Variants in ENOSF1 observed in about 807,000 individuals in gnomAD.
ENOSF1 encodes the protein mitochondrial enolase superfamily member 1.
In ENOSF1, 73 loss-of-function variants were observed where a neutral mutation model predicts 68.2. The ratio of observed to expected loss-of-function variants is 1.07; its 90% CI spans 0.89 to 1.30. ENOSF1 has a LOEUF of 1.30. Ranked by LOEUF, ENOSF1 falls within the 50% of genes most tolerant of loss-of-function variation. The pLI is 0.00. For synonymous variants in ENOSF1, 223 were observed against 210.4 expected, an observed-to-expected ratio of 1.06 and a Z score of -0.52; for missense variants, 589 against 554.5, an observed-to-expected ratio of 1.06 and a Z score of -0.62.
Position 677,725 on chromosome 18 carries a change from C to T in ENOSF1, c.1048+18G>A, listed in dbSNP as rs375908384. 9.3e-6 allele frequency: 15 copies of T among 1,606,808 alleles called. No individual in the cohort carries two copies. The highest frequency in any genetic ancestry group is 1.3e-5 in the Non-Finnish European group (15 of 1,177,094). Reference sequence around the variant, plus strand: ...GGGGAAATGAAGGTCTGGTCTGCAGCCGCTGCAGCACGCTTACTTTCAAAC... The same window carrying T: ...GGGGAAATGAAGGTCTGGTCTGCAGTCGCTGCAGCACGCTTACTTTCAAAC... On this transcript the variant is annotated intron_variant, in intron 13 of 15. Coordinates refer to ENST00000647584, the MANE Select transcript of ENOSF1 (RefSeq NM_017512.7).
chr18:696,202 C>T (rs1178283592), intron 3 of ENOSF1, among the ~76,000 whole-genome samples: 3 of 126,718 alleles, frequency 2.4e-5, no homozygotes, highest in African/African-American at 1.0e-4. Context: ...TTACATCTCT[C>T]TCTTTTTTTT....
At chr18:664,021 A>T in the ENOSF1 span, among the ~76,000 whole-genome samples, 7 of 107,102 alleles carry the variant, frequency 6.5e-5, 1 homozygote, top group South Asian at 2.1e-3. Context: ...GTTCCATATG[A>T]ACTTTAAAGT....
Position 693,863 on chromosome 18 carries a change from C to T in ENOSF1, c.423+19G>A. On this transcript the variant is annotated intron_variant, in intron 5 of 15. Transcript: ENST00000647584. ...ATTTCATTTACAGAAACAATTGTAA[C>T]ATTAACAATGCTACTCACCATGTCC... is the stretch of plus-strand genomic sequence containing the variant. 1 of 1,613,360 alleles carries T rather than the reference C, an allele frequency of 6.2e-7. No individual in the cohort carries two copies. The highest frequency in any genetic ancestry group is 8.5e-7 in the Non-Finnish European group (1 of 1,179,842).
At chr18:676,458 T>G (rs191224395) in intron 14 of ENOSF1, among the ~76,000 whole-genome samples, 1 of 152,244 alleles carries the variant, frequency 6.6e-6, no homozygotes, top group Admixed American at 6.5e-5. Flanking sequence ...CCTTCCCCCC[T>G]CACTCTCTCT....
chr18:682,723 A>T (rs1168422236), intron 11 of ENOSF1, among the ~76,000 whole-genome samples: 1 of 150,198 alleles, frequency 6.7e-6, no homozygotes, highest in African/African-American at 2.5e-5. Flanking sequence ...ACCAAAAAAA[A>T]AAAAAAAAAA....
downstream of ENOSF1, among the ~76,000 whole-genome samples, chr18:666,093 C>G (rs1207997114): frequency 5.6e-5 from 6 of 106,388 alleles, no homozygotes; most frequent in Non-Finnish European, 1.1e-4. Context: ...TCTCGTTGAT[C>G]TGTCTAATGT....
chr18:694,735 A>T (rs893490719), intron 3 of ENOSF1, among the ~76,000 whole-genome samples: 1 of 151,924 alleles, frequency 6.6e-6, no homozygotes. Flanking sequence ...GGTTAAGTTT[A>T]AAAAAAACAG....
intron 8 of ENOSF1, 55 bp from the exon 9 acceptor site, chr18:688,663 G>A (rs997639062): frequency 6.6e-7 from 1 of 1,503,968 alleles, no homozygotes; most frequent in African/African-American, 1.4e-5. Context: ...GGTCTGACCA[G>A]GAAGTCAGTC....
intron 1 of ENOSF1, among the ~76,000 whole-genome samples, chr18:711,460 C>CTTA (rs1001494851): frequency 2.6e-5 from 4 of 152,174 alleles, no homozygotes; most frequent in African/African-American, 9.7e-5. Flanking sequence ...ATTTTCCTAA[C>CTTA]ATTGCCGTTC....
chr18:677,065 T>C (rs1377870726), intron 14 of ENOSF1, among the ~76,000 whole-genome samples: 3 of 152,228 alleles, frequency 2.0e-5, no homozygotes, highest in Non-Finnish European at 2.9e-5. Context: ...ATACACGTGA[T>C]GAAAACAGGA....
chr18:684,209 A>C (rs777802534), intron 10 of ENOSF1, among the ~76,000 whole-genome samples: 9 of 151,676 alleles, frequency 5.9e-5, no homozygotes, highest in African/African-American at 9.7e-5. Flanking sequence ...GTTAGCCAGG[A>C]TGGTCTCAAT....
At position 706,437 on chromosome 18, in the gene ENOSF1, C is replaced by T. The variant is rs187241009; in HGVS notation, c.193+33G>A. On this transcript the variant is annotated intron_variant, in intron 2 of 15. Coordinates refer to ENST00000647584, the MANE Select transcript of ENOSF1 (RefSeq NM_017512.7). ...ATTAGAATCTCATCTGAAAATTAAG[C>T]ATTCTGGAACCTCGAGAGAATCTTC... The T allele has an allele frequency of 2.2e-5, 30 of 1,352,820 alleles. No individual in the cohort carries two copies. In the Admixed American group the frequency reaches 3.9e-4, roughly 18 times the overall value. 83.8% of individuals were successfully genotyped at this position (1,352,820 alleles called of 1,614,324 possible).
intron 5 of ENOSF1, chr18:693,107 A>G: frequency 7.8e-7 from 1 of 1,289,092 alleles, no homozygotes; most frequent in Non-Finnish European, 1.0e-6. Flanking sequence ...CCAGCTCTGC[A>G]TGGGGTCTGA....
In ENOSF1 at chr18:671,228, C is replaced by CA; in HGVS notation, c.*3076dup. 1 of 655,956 alleles carries CA rather than the reference C, an allele frequency of 1.5e-6. No homozygotes were observed. The highest frequency in any genetic ancestry group is 1.8e-5 in the African/African-American group (1 of 55,048). 40.6% of individuals were successfully genotyped at this position (655,956 alleles called of 1,614,324 possible). On this transcript the variant is annotated 3_prime_UTR_variant, in exon 16 of 16. Transcript: ENST00000647584. ...TTCAATACCAGCCTGGGCAACATAA[C>CA]AAGATGCTGTTGCTACAAAAAAATG...
intron 2 of ENOSF1, among the ~76,000 whole-genome samples, chr18:702,205 A>C (rs986780922): frequency 7.1e-6 from 1 of 140,938 alleles, no homozygotes; most frequent in Non-Finnish European, 1.5e-5. Context: ...TTGTTGTTGC[A>C]GTGAGCAGAG....
In ENOSF1 at chr18:685,355, T is replaced by TA. The variant is rs890723514; in HGVS notation, c.741+565dup. Among the ~76,000 whole-genome samples, 530 of 145,034 alleles carry TA rather than the reference T, an allele frequency of 3.7e-3. 2 individuals carry two copies. The highest frequency in any genetic ancestry group is 5.8e-3 in the African/African-American group (232 of 39,738). Reference sequence around the variant, plus strand: ...GTTATTTGGATACAGATGACTTCATTAAAAAAAAAAAGCAGCATTAATTCA... The same window carrying TA: ...GTTATTTGGATACAGATGACTTCATTAAAAAAAAAAAAGCAGCATTAATTCA... On this transcript the variant is annotated intron_variant, in intron 10 of 15. Transcript: ENST00000647584.
At chr18:704,670 A>G (rs1276822044) in intron 2 of ENOSF1, among the ~76,000 whole-genome samples, 3 of 149,038 alleles carry the variant, frequency 2.0e-5, no homozygotes, top group Admixed American at 6.7e-5. Context: ...CAGCGGCGCA[A>G]TCTCGGCTCA....
At chr18:696,361 G>A (rs540902310) in intron 3 of ENOSF1, among the ~76,000 whole-genome samples, 115 of 151,820 alleles carry the variant, frequency 7.6e-4, no homozygotes, top group Non-Finnish European at 1.5e-3. Flanking sequence ...ATAGGCGCCC[G>A]CCACCATGCC....
chr18:691,163 G>GT (rs772018648), intron 6 of ENOSF1, 41 bp downstream of exon 6: 9 of 1,612,768 alleles, frequency 5.6e-6, no homozygotes, highest in Non-Finnish European at 7.6e-6. Flanking sequence ...TGCCACTACT[G>GT]TGTGTGCACG....
Sources: gnomAD v4.1 joint callset for allele counts (sites outside exome capture counted in the v4.1 genomes callset) on GRCh38, gnomAD v4.1.1 for gene constraint, MANE v1.5 for transcripts, NCBI Gene and HGNC (gene_info 2026-07-23, HGNC 2026-07-21) for gene names.